The following PFKFB4 variants were observed in gnomAD, a reference collection of about 807,000 sequenced individuals.
PFKFB4 encodes 6-phosphofructo-2-kinase/fructose-2,6-biphosphatase 4.
In PFKFB4, 42 loss-of-function variants were observed where a neutral mutation model predicts 62.8. The observed-to-expected ratio is 0.67, with a 90% confidence interval of 0.52 to 0.86. The LOEUF is 0.86. PFKFB4 is among the 40% of genes least tolerant of loss of function. The pLI, the probability that PFKFB4 is intolerant of heterozygous loss-of-function variation, is 0.00. For synonymous variants in PFKFB4, 204 were observed against 240.7 expected (o/e 0.85, Z 1.41); for missense variants, 475 against 627.2 (o/e 0.76, Z 2.59).
At chr3:48,536,698 C>T (rs2042629957) in intron 7 of PFKFB4, 1 of 528,492 alleles carries the variant, frequency 1.9e-6, no homozygotes, top group African/African-American at 1.9e-5. Context: ...GCTCGTCACT[C>T]ATCATGCTTC....
chr3:48,531,267 G>A (rs907162558), intron 9 of PFKFB4, among the ~76,000 whole-genome samples: 18 of 151,504 alleles, frequency 1.2e-4, no homozygotes, highest in Non-Finnish European at 2.4e-4. Context: ...TTGGGAGGCC[G>A]AGGTGGGATC....
upstream of PFKFB4, chr3:48,562,763 C>G (rs2043453666): frequency 2.0e-6 from 3 of 1,523,268 alleles, no homozygotes; most frequent in African/African-American, 1.4e-5. The surrounding 1 kb of genome is among the most constrained non-coding windows in gnomAD (Gnocchi z 4.3). Flanking sequence ...GTGGCCCTAT[C>G]ACTGTGACCC....
At chr3:48,528,678 A>T (rs1036404090) in intron 9 of PFKFB4, among the ~76,000 whole-genome samples, 2 of 152,032 alleles carry the variant, frequency 1.3e-5, no homozygotes, top group Non-Finnish European at 2.9e-5. Flanking sequence ...ACAAACATAG[A>T]AAACACCTTG....
intron 8 of PFKFB4, among the ~76,000 whole-genome samples, 197 bp downstream of exon 8, chr3:48,536,059 G>C (rs1327400534): frequency 6.6e-6 from 1 of 152,256 alleles, no homozygotes; most frequent in East Asian, 1.9e-4. Context: ...ATGGAAACCA[G>C]AGATCCAGGC....
At chr3:48,550,735 C>T (rs1457879911) in intron 1 of PFKFB4, among the ~76,000 whole-genome samples, 1 of 152,202 alleles carries the variant, frequency 6.6e-6, no homozygotes, top group African/African-American at 2.4e-5. Context: ...TCATACAAAG[C>T]CCAGCTAAAA....
At chr3:48,525,783 G>C in intron 9 of PFKFB4, 114 bp from the exon 10 acceptor site, 1 of 507,620 alleles carries the variant, frequency 2.0e-6, no homozygotes, top group East Asian at 3.4e-5. Context: ...GCATTTCCTG[G>C]GTGAAGGGAA....
chr3:48,529,211 A>G (rs2042356732), intron 9 of PFKFB4, among the ~76,000 whole-genome samples: 1 of 152,028 alleles, frequency 6.6e-6, no homozygotes, highest in Admixed American at 6.6e-5. Flanking sequence ...CCTGAACTGT[A>G]TATTTTAAAT....
chr3:48,534,641 A>G (rs1186273929), intron 9 of PFKFB4, among the ~76,000 whole-genome samples: 1 of 151,274 alleles, frequency 6.6e-6, no homozygotes. Flanking sequence ...ACAGCACTCC[A>G]GCTTGGGTGA....
intron 9 of PFKFB4, among the ~76,000 whole-genome samples, chr3:48,527,244 C>G (rs1432172515): frequency 6.6e-6 from 1 of 150,564 alleles, no homozygotes; most frequent in Non-Finnish European, 1.5e-5. Context: ...TACGGCAGCC[C>G]TAGTAAACTA....
chr3:48,524,037 G>C (rs2042179629), intron 10 of PFKFB4, among the ~76,000 whole-genome samples: 1 of 152,186 alleles, frequency 6.6e-6, no homozygotes, highest in Non-Finnish European at 1.5e-5. Context: ...GCTAGGTCCT[G>C]GTAGGATTGA....
chr3:48,537,413 C>T (rs911301677), intron 7 of PFKFB4, among the ~76,000 whole-genome samples: 1 of 152,068 alleles, frequency 6.6e-6, no homozygotes, highest in Non-Finnish European at 1.5e-5. Context: ...TCAGCTCAGG[C>T]CCGGCCTGGG....
At chr3:48,561,028 C>T, upstream of PFKFB4, 6 of 1,251,966 alleles carry the variant, frequency 4.8e-6, no homozygotes, top group Non-Finnish European at 6.2e-6. The surrounding 1 kb of genome is among the most constrained non-coding windows in gnomAD (Gnocchi z 5.2). Context: ...ACCCTCCACC[C>T]TCCCCACGCT....
chr3:48,545,639 T>TC (rs2042939151), intron 3 of PFKFB4, among the ~76,000 whole-genome samples: 1 of 151,784 alleles, frequency 6.6e-6, no homozygotes, highest in African/African-American at 2.4e-5. Context: ...TTCTTTTGTT[T>TC]TTTTTTTTTA....
intron 4 of PFKFB4, among the ~76,000 whole-genome samples, chr3:48,542,802 T>C (rs893797660): frequency 3.3e-5 from 5 of 152,208 alleles, no homozygotes; most frequent in African/African-American, 9.6e-5. Flanking sequence ...CTAGAAATTC[T>C]ATACCCAACC....
At chr3:48,534,212 A>T (rs1329270917) in intron 9 of PFKFB4, among the ~76,000 whole-genome samples, 1 of 152,228 alleles carries the variant, frequency 6.6e-6, no homozygotes, top group African/African-American at 2.4e-5. Context: ...GAACAGAAGA[A>T]ATTAAAAAAC....
In PFKFB4 at chr3:48,519,444, G is replaced by A. The variant is rs1017631543; in HGVS notation, c.*303C>T. 5 of 385,834 alleles carry A rather than the reference G, an allele frequency of 1.3e-5. No individual in the cohort carries two copies. Among genetic ancestry groups the A allele is most frequent in the Non-Finnish European group, 2.4e-5 (5 of 210,076 alleles). 23.9% of individuals were successfully genotyped at this position (385,834 alleles called of 1,614,324 possible). On this transcript the variant is annotated 3_prime_UTR_variant, in exon 14 of 14. Coordinates refer to ENST00000232375, the MANE Select transcript of PFKFB4 (RefSeq NM_004567.4). ...ACTTCACAAAGCCAACTGAGCTGGCGAGAGTGAACACCTAAGAGCTGCGCC... is the reference window on the plus strand; with the variant it reads ...ACTTCACAAAGCCAACTGAGCTGGCAAGAGTGAACACCTAAGAGCTGCGCC...
chr3:48,524,753 A>ATG (rs2042204027), intron 10 of PFKFB4, among the ~76,000 whole-genome samples: 1 of 152,080 alleles, frequency 6.6e-6, no homozygotes, highest in African/African-American at 2.4e-5. Flanking sequence ...GTGCTTCTAC[A>ATG]TGTGTATATA....
intron 3 of PFKFB4, among the ~76,000 whole-genome samples, chr3:48,544,440 T>C (rs181365662): frequency 1.4e-5 from 2 of 142,422 alleles, no homozygotes; most frequent in Admixed American, 1.4e-4. Context: ...AGTTTTCAGA[T>C]CTTTTTTTTT....
In PFKFB4 at chr3:48,528,310, T is replaced by C. The variant is rs531887383; in HGVS notation, c.988-2641A>G. Among the ~76,000 whole-genome samples the C allele has an allele frequency of 2.6e-5, 4 of 152,236 alleles. 1 individual carries two copies. Among genetic ancestry groups the C allele is most frequent in the African/African-American group, 9.6e-5 (4 of 41,548 alleles). On this transcript the variant is annotated intron_variant, in intron 9 of 13. Coordinates refer to ENST00000232375, the MANE Select transcript of PFKFB4 (RefSeq NM_004567.4). ...GAAAAGGTTGAATGTATAATTACCA[T>C]ATGACCCAGCAATTCTACTCCTAGC...
Sources: allele counts gnomAD v4.1 joint callset (sites outside exome capture counted in the v4.1 genomes callset), GRCh38; gene constraint gnomAD v4.1.1; non-coding constraint Gnocchi (gnomAD v3.1); transcripts MANE v1.5; gene names NCBI Gene and HGNC (gene_info 2026-07-23, HGNC 2026-07-21).